The following MYO3B variants were observed in gnomAD, a reference collection of about 807,000 sequenced individuals.
MYO3B encodes myosin-IIIb.
A neutral mutation model predicts 174.6 loss-of-function variants in MYO3B; 156 were observed. The ratio of observed to expected loss-of-function variants is 0.89; its 90% confidence interval spans 0.78 to 1.02. The LOEUF is 1.02. Among genes scored for constraint, MYO3B ranks in the 50% least tolerant of loss-of-function variants. The pLI is 0.00. For synonymous variants in MYO3B, 563 were observed against 569.1 expected (o/e 0.99, Z 0.15); for missense variants, 1,632 against 1,639.4 (o/e 1.00, Z 0.08).
chr2:170,504,116 ACCAGACCCAGATACAGTGGCTC>A (rs1328931177), intron 28 of MYO3B, among the ~76,000 whole-genome samples: 2 of 152,322 alleles, frequency 1.3e-5, no homozygotes, highest in South Asian at 4.2e-4. Flanking sequence ...TCCTAGTAGA[ACCAGACCCAGATACAGTGGCTC>A]CCCGCTTTAG....
At chr2:170,562,087 A>T (rs1366714859) in intron 32 of MYO3B, among the ~76,000 whole-genome samples, 1 of 152,210 alleles carries the variant, frequency 6.6e-6, no homozygotes, top group African/African-American at 2.4e-5. Context: ...TAATAGAAAC[A>T]GAAGGAGAAT....
chr2:170,526,962 G>C (rs1391653336), intron 30 of MYO3B, among the ~76,000 whole-genome samples: 1 of 152,182 alleles, frequency 6.6e-6, no homozygotes, highest in African/African-American at 2.4e-5. Flanking sequence ...TTTTAAAATA[G>C]TTGGAACTCT....
intron 7 of MYO3B, among the ~76,000 whole-genome samples, chr2:170,271,949 TGAAAATAG>T (rs2093428092): frequency 6.6e-6 from 1 of 152,102 alleles, no homozygotes; most frequent in Non-Finnish European, 1.5e-5. Context: ...TATAATAATG[TGAAAATAG>T]CTCTTTGTAT....
At chr2:170,218,511 A>G (rs1190138806) in intron 6 of MYO3B, among the ~76,000 whole-genome samples, 1 of 152,174 alleles carries the variant, frequency 6.6e-6, no homozygotes, top group Non-Finnish European at 1.5e-5. Context: ...GTGACTCTCC[A>G]TTGTCCTTTG....
rs763108748 is a variant in MYO3B at position 170,466,505 on chromosome 2, G to A, written c.2809-1G>A. On this transcript the variant is annotated splice_acceptor_variant, in intron 24 of 34. Coordinates refer to ENST00000408978, the MANE Select transcript of MYO3B (RefSeq NM_138995.5). LOFTEE classifies it high-confidence loss of function. The stretch of plus-strand genomic sequence containing the variant: ...TCCTTGTGCATTTTTCTCCCTGGTA[G>A]TATTCTCTGATGGACCTGCTCTCCA... 7.4e-6 allele frequency: 12 copies of A among 1,613,970 alleles called. No individual in the cohort carries two copies. The South Asian group carries it at 1.2e-4, about 16-fold the overall frequency.
At chr2:170,280,702 A>G (rs1488022071) in intron 7 of MYO3B, among the ~76,000 whole-genome samples, 1 of 152,158 alleles carries the variant, frequency 6.6e-6, no homozygotes, top group African/African-American at 2.4e-5. Flanking sequence ...TTGGCTAATC[A>G]GTTATCCCAG....
intron 20 of MYO3B, among the ~76,000 whole-genome samples, chr2:170,404,881 T>C (rs2094500604): frequency 6.6e-6 from 1 of 152,242 alleles, no homozygotes; most frequent in Non-Finnish European, 1.5e-5. Context: ...AGGTTACTAT[T>C]ATCTACAGGA....
intron 6 of MYO3B, among the ~76,000 whole-genome samples, chr2:170,219,505 G>A (rs1346451187): frequency 1.3e-5 from 2 of 152,118 alleles, no homozygotes; most frequent in Non-Finnish European, 2.9e-5. Context: ...TTAGCTGGGT[G>A]TGGTAGTACA....
rs1268110549 is a variant in MYO3B, at chr2:170,401,796, C to CTTTTTTTTTTTTTTTTTT, written c.2129+110_2129+111insTTTTTTTTTTTTTTTTTT. On this transcript the variant is annotated intron_variant, in intron 18 of 34. Transcript: ENST00000408978. ...TTTGGTCCTCTCTGGGATTTTCTTTCTTTTTCTTTTTTTTTTTTTTTGTGG... is the reference window on the plus strand; with the variant it reads ...TTTGGTCCTCTCTGGGATTTTCTTTCTTTTTTTTTTTTTTTTTTTTTTTCTTTTTTTTTTTTTTTGTGG... The CTTTTTTTTTTTTTTTTTT allele has an allele frequency of 1.1e-4, 90 of 794,410 alleles. 2 individuals are homozygous for CTTTTTTTTTTTTTTTTTT. In the African/African-American group the frequency reaches 1.6e-3, roughly 14 times the overall value. 49.2% of individuals were successfully genotyped at this position (794,410 alleles called of 1,614,324 possible). A position where few individuals can be genotyped will look rare whatever the true frequency, so the allele number is the denominator to read the frequency against.
At chr2:170,486,051 T>C (rs1686029796) in intron 25 of MYO3B, among the ~76,000 whole-genome samples, 1 of 152,048 alleles carries the variant, frequency 6.6e-6, no homozygotes, top group Non-Finnish European at 1.5e-5. Flanking sequence ...TTCTAATAAG[T>C]TTCCAGGTCA....
chr2:170,352,984 G>A (rs899412191), intron 8 of MYO3B, among the ~76,000 whole-genome samples: 1 of 152,202 alleles, frequency 6.6e-6, no homozygotes, highest in Non-Finnish European at 1.5e-5. Flanking sequence ...AGCCACTTTG[G>A]AAGACAGTTT....
chr2:170,457,759 T>A (rs760849247), intron 23 of MYO3B, among the ~76,000 whole-genome samples: 2 of 152,196 alleles, frequency 1.3e-5, no homozygotes, highest in African/African-American at 2.4e-5. Flanking sequence ...AAATAATTAC[T>A]TTTTTGTTTC....
chr2:170,482,435 A>G (rs950311932), intron 25 of MYO3B, among the ~76,000 whole-genome samples: 19 of 152,206 alleles, frequency 1.2e-4, no homozygotes, highest in Admixed American at 1.2e-3. Context: ...GATTACAGGC[A>G]TGAGCCACAG....
intron 16 of MYO3B, among the ~76,000 whole-genome samples, chr2:170,394,294 G>A (rs1485148117): frequency 6.6e-6 from 1 of 151,972 alleles, no homozygotes; most frequent in African/African-American, 2.4e-5. Flanking sequence ...GGCTTAGGTG[G>A]GTTAAAAGAA....
At chr2:170,486,385 A>G (rs1397525905) in intron 25 of MYO3B, among the ~76,000 whole-genome samples, 1 of 148,086 alleles carries the variant, frequency 6.8e-6, no homozygotes, top group African/African-American at 2.5e-5. Context: ...GCTCACCACA[A>G]CCTCCACCTC....
intron 8 of MYO3B, among the ~76,000 whole-genome samples, chr2:170,337,479 A>C (rs1470620716): frequency 6.6e-6 from 1 of 152,150 alleles, no homozygotes; most frequent in Non-Finnish European, 1.5e-5. Flanking sequence ...GCTTCTGTAT[A>C]CTTTTTCAAG....
At chr2:170,386,126 T>G in intron 12 of MYO3B, 63 bp from the exon 13 acceptor site, 3 of 1,352,250 alleles carry the variant, frequency 2.2e-6, no homozygotes. Context: ...GGATGTTATA[T>G]GAAGCATGCA....
chr2:170,627,371 G>A (rs756850502), intron 32 of MYO3B, among the ~76,000 whole-genome samples: 7 of 152,070 alleles, frequency 4.6e-5, no homozygotes, highest in South Asian at 2.1e-4. Flanking sequence ...CATTCATCAC[G>A]TAGTTCTCTT....
chr2:170,636,793 A>G (rs1481918572), intron 32 of MYO3B, among the ~76,000 whole-genome samples: 2 of 152,158 alleles, frequency 1.3e-5, no homozygotes, highest in African/African-American at 4.8e-5. Context: ...TGACTAAACC[A>G]AGACAACCAA....
Sources: gnomAD v4.1 joint callset for allele counts (sites outside exome capture counted in the v4.1 genomes callset) on GRCh38, gnomAD v4.1.1 for gene constraint, MANE v1.5 for transcripts, NCBI Gene and HGNC (gene_info 2026-07-23, HGNC 2026-07-21) for gene names.